The following ADHFE1 variants were observed in gnomAD, a reference collection of about 807,000 sequenced individuals.
ADHFE1 encodes the protein hydroxyacid-oxoacid transhydrogenase, mitochondrial.
ADHFE1 carries 37 observed loss-of-function variants against 54.8 expected under a neutral mutation model. That is an observed-to-expected ratio of 0.68 (90% CI 0.52 to 0.89). ADHFE1 has a LOEUF of 0.89. ADHFE1 is among the 40% of genes least tolerant of loss of function. ADHFE1 has a pLI of 0.00. For synonymous variants in ADHFE1, 203 were observed against 229.3 expected (o/e 0.89, Z 1.04); for missense variants, 601 against 591.2 (o/e 1.02, Z -0.17).
rs533413781 is a variant in ADHFE1 at position 66,442,611 on chromosome 8, G to A, written c.98-187G>A. On this transcript the variant is annotated intron_variant, in intron 2 of 13. Coordinates refer to ENST00000396623, the MANE Select transcript of ADHFE1 (RefSeq NM_144650.3). Reference sequence around the variant, plus strand: ...CAGGTGTGAGCCACTGTGCTTGGCCGCATTACATTCTATCTTAAAATACAG... The same window carrying A: ...CAGGTGTGAGCCACTGTGCTTGGCCACATTACATTCTATCTTAAAATACAG... Among the ~76,000 whole-genome samples the A allele has an allele frequency of 9.2e-5, 14 of 152,150 alleles. No individual in the cohort carries two copies. The East Asian group carries it at 1.9e-3, about 21-fold the overall frequency.
rs954568343 is a variant in ADHFE1 at position 66,439,680 on chromosome 8, C to G, written c.60-482C>G. ...AGGAAGTTCTCCTGGAGGCTCAGGT[C>G]TAGAGCCTGCCTGAAGAAAAATTAG... On this transcript the variant is annotated intron_variant, in intron 1 of 13. Coordinates refer to ENST00000396623, the MANE Select transcript of ADHFE1 (RefSeq NM_144650.3). The surrounding 1 kb of genome is among the most constrained non-coding windows in gnomAD (Gnocchi z 4.4). 6.1e-6 allele frequency: 6 copies of G among 987,552 alleles called. No individual in the cohort carries two copies. In the African/African-American group the frequency reaches 7.0e-5, roughly 12 times the overall value. The allele number at this position is 987,552 out of a possible 1,614,324, so 61.2% of individuals were successfully genotyped here. A position where few individuals can be genotyped will look rare whatever the true frequency, so the allele number is the denominator to read the frequency against.
chr8:66,437,958 A>G (rs1805551086), intron 1 of ADHFE1, among the ~76,000 whole-genome samples: 1 of 152,228 alleles, frequency 6.6e-6, no homozygotes, highest in African/African-American at 2.4e-5. Context: ...ATAACGGCAA[A>G]GTTCTGGAGG....
chr8:66,449,963 A>T (rs1806217064), intron 8 of ADHFE1, among the ~76,000 whole-genome samples: 1 of 152,272 alleles, frequency 6.6e-6, no homozygotes, highest in South Asian at 2.1e-4. Context: ...CACAAAAAAA[A>T]GTTTTACAAA....
At chr8:66,441,357 C>T (rs1022865033) in intron 2 of ADHFE1, among the ~76,000 whole-genome samples, 4 of 152,120 alleles carry the variant, frequency 2.6e-5, no homozygotes, top group African/African-American at 7.2e-5. Flanking sequence ...CAGCCTCCCA[C>T]GATGTTGGGA....
At position 66,468,300 on chromosome 8, in the gene ADHFE1, A is replaced by G; in HGVS notation, c.1352A>G (p.Gln451Arg). The G allele has an allele frequency of 3.1e-6, 5 of 1,613,460 alleles. No individual in the cohort carries two copies. The highest frequency in any genetic ancestry group is 4.2e-6 in the Non-Finnish European group (5 of 1,179,636). Residue 451 changes from glutamine (Q) to arginine (R), a missense_variant, in exon 14 of 14, where the codon CAG becomes CGG. Coordinates refer to ENST00000396623, the MANE Select transcript of ADHFE1 (RefSeq NM_144650.3). Reference sequence around the variant, plus strand: ...GTCACCAAGCTTGCACCCTGTCCCCAGTCAGAAGAGGATCTGGCTGCTCTG... The same window carrying G: ...GTCACCAAGCTTGCACCCTGTCCCCGGTCAGAAGAGGATCTGGCTGCTCTG... ...ERVTKLAPCPQSEEDLAALFE... is the reference protein window; with the variant it reads ...ERVTKLAPCPRSEEDLAALFE...
At chr8:66,442,078 TA>T (rs891748560) in intron 2 of ADHFE1, among the ~76,000 whole-genome samples, 13 of 151,862 alleles carry the variant, frequency 8.6e-5, no homozygotes, top group African/African-American at 3.1e-4. Flanking sequence ...CCCTATGAAT[TA>T]AAAAAAACAA....
intron 12 of ADHFE1, among the ~76,000 whole-genome samples, chr8:66,458,419 GA>G (rs1300969178): frequency 6.6e-6 from 1 of 152,186 alleles, no homozygotes; most frequent in African/African-American, 2.4e-5. Context: ...GTGCTGAGGG[GA>G]AACAGTGCAA....
intron 8 of ADHFE1, among the ~76,000 whole-genome samples, chr8:66,450,866 C>T (rs1455475663): frequency 6.6e-6 from 1 of 152,242 alleles, no homozygotes; most frequent in Non-Finnish European, 1.5e-5. Context: ...TATCCATCTA[C>T]AAACTAATTT....
intron 12 of ADHFE1, 110 bp downstream of exon 12, chr8:66,457,276 C>A: frequency 4.5e-6 from 4 of 896,380 alleles, no homozygotes; most frequent in Non-Finnish European, 5.0e-6. Flanking sequence ...CCCAGGAGTT[C>A]AAGACCAGCC....
In ADHFE1 at chr8:66,447,447, C is replaced by T. The variant is rs554596558; in HGVS notation, c.628+106C>T. ...CAGTTATGATACAGTTAGAATAAGC[C>T]CCAATATTCTATAGAAGAGCAAGGT... On this transcript the variant is annotated intron_variant, in intron 7 of 13. Transcript: ENST00000396623. 6 of 919,618 alleles carry T rather than the reference C, an allele frequency of 6.5e-6. No homozygotes were observed. The South Asian group carries it at 9.9e-5, about 15-fold the overall frequency. The allele number at this position is 919,618 out of a possible 1,614,324, so 57.0% of individuals were successfully genotyped here. A position where few individuals can be genotyped will look rare whatever the true frequency, so the allele number is the denominator to read the frequency against.
rs1430825672 is a variant in ADHFE1, at chr8:66,468,296, C to T, written c.1348C>T (p.Pro450Ser). The change falls in exon 14 of 14, where the codon CCC becomes TCC. Residue 450 changes from proline (P) to serine (S), a missense_variant. Physicochemically the swap from Pro to Ser is moderately conservative, Grantham distance 74 (BLOSUM62 -1). Coordinates refer to ENST00000396623, the MANE Select transcript of ADHFE1 (RefSeq NM_144650.3). ...QERVTKLAPC[P>S]QSEEDLAALF... ...AAGGGTCACCAAGCTTGCACCCTGTCCCCAGTCAGAAGAGGATCTGGCTGC... is the reference window on the plus strand; with the variant it reads ...AAGGGTCACCAAGCTTGCACCCTGTTCCCAGTCAGAAGAGGATCTGGCTGC... The T allele has an allele frequency of 1.2e-6, 2 of 1,613,086 alleles. No individual in the cohort carries two copies. The highest frequency in any genetic ancestry group is 1.3e-5 in the African/African-American group (1 of 74,838).
At chr8:66,455,014 G>A (rs1420593622) in intron 10 of ADHFE1, among the ~76,000 whole-genome samples, 1 of 152,196 alleles carries the variant, frequency 6.6e-6, no homozygotes, top group East Asian at 1.9e-4. Flanking sequence ...ACCACGCCCA[G>A]CCTACTTTCT....
At position 66,444,670 on chromosome 8, in the gene ADHFE1, T is replaced by G; in HGVS notation, c.275T>G (p.Val92Gly). The G allele has an allele frequency of 6.2e-7, 1 of 1,614,224 alleles. No homozygotes were observed. The highest frequency in any genetic ancestry group is 8.5e-7 in the Non-Finnish European group (1 of 1,180,024). ...KNLSKLPPVQ[V>G]AMDSLVKNGI... ...CTCTCCAAGCTCCCTCCTGTGCAAG[T>G]AGCTATGGATTCCCTAGTGAAGAAT... Residue 92 changes from valine to glycine, a missense_variant, in exon 5 of 14, where the codon GTA becomes GGA. Physicochemically the swap from Val to Gly is moderately radical, Grantham distance 109. Transcript: ENST00000396623.
chr8:66,447,407 T>TTAGG, intron 7 of ADHFE1, 66 bp downstream of exon 7: 3 of 1,302,728 alleles, frequency 2.3e-6, no homozygotes, highest in South Asian at 1.3e-5. Flanking sequence ...TAAATCCTAA[T>TTAGG]ATTTAAAAAT....
intron 10 of ADHFE1, 114 bp downstream of exon 10, chr8:66,454,271 T>G: frequency 9.7e-7 from 1 of 1,035,448 alleles, no homozygotes; most frequent in Non-Finnish European, 1.4e-6. Context: ...AGGAAGAAAT[T>G]TAACTTTATG....
intron 10 of ADHFE1, 115 bp downstream of exon 10, chr8:66,454,272 T>A: frequency 1.0e-6 from 1 of 987,308 alleles, no homozygotes; most frequent in Non-Finnish European, 1.5e-6. Flanking sequence ...GGAAGAAATT[T>A]AACTTTATGT....
rs540655084 is a variant in ADHFE1, at chr8:66,438,662, G to C, written c.60-1500G>C. On this transcript the variant is annotated intron_variant, in intron 1 of 13. Transcript: ENST00000396623. ...AGCAAATGTAGGTCGGGAGGAGAGA[G>C]AGGGAGAGTGAGCCCGCCAGAGGGG... 2.6e-4 allele frequency among the ~76,000 whole-genome samples: 40 copies of C among 152,248 alleles called. 1 individual carries two copies. The South Asian group carries it at 3.5e-3, about 13-fold the overall frequency.
chr8:66,444,838 C>T (rs72652748), intron 5 of ADHFE1, 90 bp downstream of exon 5: 128,618 of 1,490,942 alleles, frequency 0.086, 7,060 homozygotes, highest in East Asian at 0.25. Context: ...TGGTGGCTCA[C>T]GCCTGTAATC....
At chr8:66,447,516 G>A (rs1192064359) in intron 7 of ADHFE1, among the ~76,000 whole-genome samples, 175 bp downstream of exon 7, 2 of 152,202 alleles carry the variant, frequency 1.3e-5, no homozygotes, top group Non-Finnish European at 2.9e-5. Context: ...AGAGTAGCTA[G>A]AAGAGAGGAC....
Sources: allele counts gnomAD v4.1 joint callset (sites outside exome capture counted in the v4.1 genomes callset), GRCh38; gene constraint gnomAD v4.1.1; non-coding constraint Gnocchi (gnomAD v3.1); transcripts MANE v1.5; gene names NCBI Gene and HGNC (gene_info 2026-07-23, HGNC 2026-07-21).